Variants in USO1 observed in about 807,000 individuals in gnomAD.
The protein encoded by USO1 is USO1 vesicle transport factor.
In USO1, 57 loss-of-function variants were observed where a neutral mutation model predicts 124.5. That is an observed-to-expected ratio of 0.46 (90% CI 0.37 to 0.57). The LOEUF (loss-of-function observed/expected upper bound fraction) is 0.57, where lower values mean the gene tolerates loss of function less well. Ranked by LOEUF, USO1 falls within the 20% of genes least tolerant of loss-of-function variation. USO1 has a pLI of 0.00. For missense variants in USO1, 900 were observed against 1,040.6 expected, an observed-to-expected ratio of 0.86 and a Z score of 1.86; for synonymous variants, 369 against 362.8, an observed-to-expected ratio of 1.02 and a Z score of -0.19.
At chr4:75,759,103 G>A (rs1721522500) in intron 4 of USO1, among the ~76,000 whole-genome samples, 1 of 151,406 alleles carries the variant, frequency 6.6e-6, no homozygotes, top group Non-Finnish European at 1.5e-5. Flanking sequence ...ATATTTTTTA[G>A]TTAGGAGGTT....
chr4:75,724,598 A>G lies in USO1; in HGVS notation c.-222A>G, dbSNP rs1199347902. The G allele has an allele frequency of 1.8e-6, 1 of 562,250 alleles. No homozygotes were observed. Among genetic ancestry groups the G allele is most frequent in the Non-Finnish European group, 3.2e-6 (1 of 315,564 alleles). 34.8% of individuals were successfully genotyped at this position (562,250 alleles called of 1,614,324 possible). The stretch of plus-strand genomic sequence containing the variant: ...GCTCCCCTTTTGCCTTCAACCTTCG[A>G]GCCGCCACGTAATGCCACGTCCCCG... On this transcript the variant is annotated 5_prime_UTR_variant, in exon 1 of 24. Coordinates refer to ENST00000514213, the MANE Select transcript of USO1 (RefSeq NM_003715.4).
chr4:75,795,914 TTTTTGTTTTGTTTTG>T (rs36105117), intron 13 of USO1, among the ~76,000 whole-genome samples: 24 of 150,244 alleles, frequency 1.6e-4, no homozygotes, highest in South Asian at 4.2e-4. Context: ...GAAAGTGCTA[TTTTTGTTTTGTTTTG>T]TTTTGTTTTG....
rs796958631 is a variant in USO1, at chr4:75,788,172, T to TTTA, written c.996+972_996+973insATT. Among the ~76,000 whole-genome samples the TTTA allele has an allele frequency of 9.4e-4, 42 of 44,528 alleles. No individual in the cohort carries two copies. In the East Asian group the frequency reaches 0.017, roughly 18 times the overall value. The allele number at this position is 44,528 out of a possible 152,430, so 29.2% of individuals were successfully genotyped here. On this transcript the variant is annotated intron_variant, in intron 10 of 23. Coordinates refer to ENST00000514213, the MANE Select transcript of USO1 (RefSeq NM_003715.4). The stretch of plus-strand genomic sequence containing the variant: ...ATATCTTTATTTATTTATTTATTTA[T>TTTA]TTTTTTTTTTTTTTGTACAGAGTCT...
At chr4:75,784,789 A>AG (rs1722313375) in intron 9 of USO1, among the ~76,000 whole-genome samples, 1 of 151,694 alleles carries the variant, frequency 6.6e-6, no homozygotes, top group East Asian at 1.9e-4. Context: ...ACTCTATCTC[A>AG]GGAAAAAAAA....
At chr4:75,751,044 A>G (rs1056197651) in intron 1 of USO1, among the ~76,000 whole-genome samples, 2 of 152,066 alleles carry the variant, frequency 1.3e-5, no homozygotes, top group African/African-American at 4.8e-5. Context: ...GAATACCTAC[A>G]TGGCGTTCCA....
intron 1 of USO1, among the ~76,000 whole-genome samples, chr4:75,740,148 A>G (rs1013715296): frequency 6.6e-6 from 1 of 152,206 alleles, no homozygotes; most frequent in Non-Finnish European, 1.5e-5. Flanking sequence ...AGCCTGGGCA[A>G]CATAGTGACA....
At position 75,790,667 on chromosome 4, in the gene USO1, G is replaced by A; in HGVS notation, c.1110G>A (p.Met370Ile). 1.9e-6 allele frequency: 3 copies of A among 1,611,576 alleles called. No individual in the cohort carries two copies. The highest frequency in any genetic ancestry group is 2.5e-6 in the Non-Finnish European group (3 of 1,179,198). ...PPRPAIVVLL[M>I]SMVNERQPFV... Reference sequence around the variant, plus strand: ...GACCGGCAATTGTAGTACTTCTCATGTCCATGGTTAATGAAAGGCAGCCAT... The same window carrying A: ...GACCGGCAATTGTAGTACTTCTCATATCCATGGTTAATGAAAGGCAGCCAT... Residue 370 changes from methionine (M) to isoleucine (I), a missense_variant, in exon 12 of 24, where the codon ATG becomes ATA. Transcript: ENST00000514213.
At chr4:75,770,793 G>A in intron 5 of USO1, 29 bp from the exon 6 acceptor site, 3 of 1,585,954 alleles carry the variant, frequency 1.9e-6, no homozygotes, top group Non-Finnish European at 1.7e-6. Context: ...AATTACAGAT[G>A]TTAAATATTT....
intron 4 of USO1, among the ~76,000 whole-genome samples, chr4:75,760,070 G>A (rs2149160767): frequency 6.6e-6 from 1 of 152,082 alleles, no homozygotes; most frequent in Non-Finnish European, 1.5e-5. Context: ...AAATTAGCCG[G>A]GCGTGGTGGT....
intron 16 of USO1, 133 bp downstream of exon 16, chr4:75,800,932 C>A: frequency 7.1e-7 from 1 of 1,414,114 alleles, no homozygotes; most frequent in Non-Finnish European, 9.4e-7. Flanking sequence ...GATCTGTAGC[C>A]CATTGAAGGA....
intron 1 of USO1, among the ~76,000 whole-genome samples, chr4:75,733,453 T>G (rs1393935254): frequency 6.6e-6 from 1 of 152,212 alleles, no homozygotes; most frequent in African/African-American, 2.4e-5. Context: ...TTCCCTTTTC[T>G]CTATAACCTC....
At chr4:75,741,283 A>G (rs1049818424) in intron 1 of USO1, among the ~76,000 whole-genome samples, 1 of 152,182 alleles carries the variant, frequency 6.6e-6, no homozygotes, top group Non-Finnish European at 1.5e-5. Context: ...TTAATCATGA[A>G]TAGAGCTTGC....
chr4:75,729,061 G>T (rs1257057950), intron 1 of USO1, among the ~76,000 whole-genome samples: 1 of 152,172 alleles, frequency 6.6e-6, no homozygotes. Context: ...CTCCCAAAGT[G>T]CTGGAATTAC....
At chr4:75,741,193 A>G (rs915191889) in intron 1 of USO1, among the ~76,000 whole-genome samples, 3 of 152,216 alleles carry the variant, frequency 2.0e-5, no homozygotes, top group African/African-American at 7.2e-5. Flanking sequence ...AATTATAACA[A>G]TGGTAAATAT....
chr4:75,798,177 C>A (rs980868397), intron 13 of USO1, among the ~76,000 whole-genome samples: 3 of 151,876 alleles, frequency 2.0e-5, no homozygotes, highest in Non-Finnish European at 2.9e-5. Context: ...CTCTTCTTAT[C>A]CTTCAATTAG....
chr4:75,766,221 A>G (rs928025742), intron 4 of USO1, among the ~76,000 whole-genome samples: 2 of 152,226 alleles, frequency 1.3e-5, no homozygotes, highest in Non-Finnish European at 2.9e-5. Context: ...AGTATAGGAT[A>G]TACTTTTTCT....
Position 75,774,872 on chromosome 4 carries a change from G to C in USO1, c.676+76G>C, listed in dbSNP as rs2149170583. The C allele has an allele frequency of 2.0e-6, 3 of 1,478,420 alleles. No individual in the cohort carries two copies. In the East Asian group the frequency reaches 7.3e-5, roughly 36 times the overall value. The allele number at this position is 1,478,420 out of a possible 1,614,324, so 91.6% of individuals were successfully genotyped here. On this transcript the variant is annotated intron_variant, in intron 8 of 23. Coordinates refer to ENST00000514213, the MANE Select transcript of USO1 (RefSeq NM_003715.4). Reference sequence around the variant, plus strand: ...TGTTAGGGTATAGGGAATACAGTTGGAGGGAGAAATGGGGACTCTTATTTA... The same window carrying C: ...TGTTAGGGTATAGGGAATACAGTTGCAGGGAGAAATGGGGACTCTTATTTA...
rs1055550566 is a variant in USO1 at position 75,762,273 on chromosome 4, C to G, written c.295+4700C>G. ...GCAACCTCTGCCTCCTGTATTCAAG[C>G]GATTCTCATGCCTCAGCCTCCCAAG... On this transcript the variant is annotated intron_variant, in intron 4 of 23. Transcript: ENST00000514213. Among the ~76,000 whole-genome samples the G allele has an allele frequency of 6.2e-5, 9 of 145,030 alleles. No individual in the cohort carries two copies. The Admixed American group carries it at 6.5e-4, about 10-fold the overall frequency.
At chr4:75,756,692 GACGGGGTTTCTCCGTCTCT>G (rs1291524087) in intron 3 of USO1, among the ~76,000 whole-genome samples, 2 of 151,716 alleles carry the variant, frequency 1.3e-5, no homozygotes, top group African/African-American at 4.8e-5. Flanking sequence ...TTTTAATAGA[GACGGGGTTTCTCCGTCTCT>G]ACTTTTGGTC....
Sources: allele counts gnomAD v4.1 joint callset (sites outside exome capture counted in the v4.1 genomes callset), GRCh38; gene constraint gnomAD v4.1.1; transcripts MANE v1.5; gene names NCBI Gene and HGNC (gene_info 2026-07-23, HGNC 2026-07-21).